Variants in ZNF101 observed in about 807,000 individuals in gnomAD.
The protein encoded by ZNF101 is zinc finger protein 101.
In ZNF101, 34 loss-of-function variants were observed where a neutral mutation model predicts 42.6. The observed-to-expected ratio is 0.80, with a 90% confidence interval of 0.61 to 1.06. The LOEUF (loss-of-function observed/expected upper bound fraction) is 1.06. Ranked by LOEUF, ZNF101 falls within the 50% of genes least tolerant of loss-of-function variation. ZNF101 has a pLI of 0.00. For missense variants in ZNF101, 466 were observed against 530.9 expected, an observed-to-expected ratio of 0.88 and a Z score of 1.20; for synonymous variants, 158 against 183.9, an observed-to-expected ratio of 0.86 and a Z score of 1.14.
At chr19:19,672,691 A>T (rs746083707) in intron 1 of ZNF101, among the ~76,000 whole-genome samples, 3 of 151,790 alleles carry the variant, frequency 2.0e-5, no homozygotes, top group Non-Finnish European at 2.9e-5. Context: ...ACGCCCAGCC[A>T]ATTTTTTGTA....
Position 19,677,941 on chromosome 19 carries a change from T to A in ZNF101, c.81T>A (p.Asn27Lys). The A allele has an allele frequency of 7.4e-6, 12 of 1,612,502 alleles. No individual in the cohort carries two copies. The highest frequency in any genetic ancestry group is 1.0e-5 in the Non-Finnish European group (12 of 1,179,086). Residue 27 changes from asparagine to lysine, a missense_variant, in exon 2 of 4, where the codon AAT (asparagine) becomes AAA (lysine). By Grantham distance (94) the Asn-to-Lys change is moderately conservative. Coordinates refer to ENST00000592502, the MANE Select transcript of ZNF101 (RefSeq NM_033204.4). ...CTTTGCTGAGTCCTTCCCAGAAGAA[T>A]CTCTACAGAGATGTGACGCTGGAAA... ...EWALLSPSQK[N>K]LYRDVTLETF...
In ZNF101 at chr19:19,680,437, T is replaced by G; in HGVS notation, c.*137T>G. Reference sequence around the variant, plus strand: ...TTCAAGACTAGCCTGGCCAACATGGTGAAACCCCGTCTCTACTAAAAATAC... The same window carrying G: ...TTCAAGACTAGCCTGGCCAACATGGGGAAACCCCGTCTCTACTAAAAATAC... On this transcript the variant is annotated 3_prime_UTR_variant, in exon 4 of 4. Transcript: ENST00000592502. 1 of 448,522 alleles carries G rather than the reference T, an allele frequency of 2.2e-6. No homozygotes were observed. The highest frequency in any genetic ancestry group is 3.9e-6 in the Non-Finnish European group (1 of 258,432). The allele number at this position is 448,522 out of a possible 1,614,324, so 27.8% of individuals were successfully genotyped here.
Position 19,680,373 on chromosome 19 carries a change from T to G in ZNF101, c.*73T>G. On this transcript the variant is annotated 3_prime_UTR_variant, in exon 4 of 4. Transcript: ENST00000592502. The stretch of plus-strand genomic sequence containing the variant: ...GGCTCACGCTTGTAATCCCAGCACT[T>G]TGGGAGGCTGAGGCGGGTGGATCAC... The G allele has an allele frequency of 1.2e-5, 10 of 838,924 alleles. No individual in the cohort carries two copies. Among genetic ancestry groups the G allele is most frequent in the Non-Finnish European group, 1.7e-5 (10 of 582,302 alleles). The allele number at this position is 838,924 out of a possible 1,614,324, so 52.0% of individuals were successfully genotyped here.
intron 1 of ZNF101, among the ~76,000 whole-genome samples, chr19:19,670,885 C>A (rs1221660252): frequency 1.3e-5 from 2 of 152,142 alleles, no homozygotes; most frequent in African/African-American, 4.8e-5. Flanking sequence ...GCAGGCAGAT[C>A]ACGAGGTCAG....
At chr19:19,671,741 C>T (rs1345026674) in intron 1 of ZNF101, among the ~76,000 whole-genome samples, 4 of 152,014 alleles carry the variant, frequency 2.6e-5, no homozygotes, top group African/African-American at 9.7e-5. Flanking sequence ...CCTCGTGATC[C>T]GCCCGCCTCG....
At chr19:19,672,512 G>C (rs2062176891) in intron 1 of ZNF101, among the ~76,000 whole-genome samples, 1 of 150,774 alleles carries the variant, frequency 6.6e-6, no homozygotes, top group Non-Finnish European at 1.5e-5. Flanking sequence ...ATCACATTCA[G>C]CCCTATATGC....
upstream of ZNF101, among the ~76,000 whole-genome samples, chr19:19,668,455 C>G (rs1277243831): frequency 6.6e-6 from 1 of 152,036 alleles, no homozygotes; most frequent in Non-Finnish European, 1.5e-5. Flanking sequence ...CAAACAGTTA[C>G]TGGAAGGGTC....
intron 2 of ZNF101, among the ~76,000 whole-genome samples, 177 bp downstream of exon 2, chr19:19,678,167 A>G (rs970472109): frequency 3.3e-5 from 5 of 151,422 alleles, no homozygotes; most frequent in African/African-American, 7.3e-5. Flanking sequence ...CACGGTGGGA[A>G]GATTGCTTGC....
chr19:19,670,536 C>A (rs2062161985), intron 1 of ZNF101, among the ~76,000 whole-genome samples: 1 of 152,136 alleles, frequency 6.6e-6, no homozygotes, highest in Non-Finnish European at 1.5e-5. Flanking sequence ...GCGGGAAGAT[C>A]TCTTGAGCCC....
rs943662518 is a variant in ZNF101 at position 19,679,940 on chromosome 19, A to C, written c.951A>C (p.Lys317Asn). Reference sequence around the variant, plus strand: ...TCTACGAATGTCAAAAATGTGCCAAAGTCTTTAGATGTCCCACGTCCCTTC... The same window carrying C: ...TCTACGAATGTCAAAAATGTGCCAACGTCTTTAGATGTCCCACGTCCCTTC... ...GKLYECQKCA[K>N]VFRCPTSLQA... Residue 317 changes from lysine to asparagine, a missense_variant, in exon 4 of 4, where the codon AAA (lysine) becomes AAC (asparagine). Coordinates refer to ENST00000592502, the MANE Select transcript of ZNF101 (RefSeq NM_033204.4). The C allele has an allele frequency of 1.9e-6, 3 of 1,614,062 alleles. No individual in the cohort carries two copies. The African/African-American group carries it at 4.0e-5, about 22-fold the overall frequency.
intron 3 of ZNF101, 26 bp from the exon 4 acceptor site, chr19:19,679,155 G>T (rs1243771318): frequency 1.2e-6 from 2 of 1,602,820 alleles, no homozygotes; most frequent in Non-Finnish European, 1.7e-6. Flanking sequence ...ACCAAGCATT[G>T]ATAATGCGTT....
chr19:19,670,149 A>G (rs1416455146), intron 1 of ZNF101, among the ~76,000 whole-genome samples: 5 of 152,080 alleles, frequency 3.3e-5, no homozygotes, highest in African/African-American at 1.2e-4. Flanking sequence ...TGGTTGTTTG[A>G]TGAGCCTCCT....
chr19:19,671,238 G>T (rs899188380), intron 1 of ZNF101, among the ~76,000 whole-genome samples: 1 of 152,214 alleles, frequency 6.6e-6, no homozygotes, highest in Non-Finnish European at 1.5e-5. Context: ...GTTCTGTTTT[G>T]TGTTATCTGG....
At chr19:19,668,430 C>T (rs1368397632), upstream of ZNF101, among the ~76,000 whole-genome samples, 10 of 151,988 alleles carry the variant, frequency 6.6e-5, no homozygotes, top group African/African-American at 2.4e-4. Context: ...GCCGGTTCAG[C>T]TGAAGTCTTT....
Position 19,673,089 on chromosome 19 carries a change from C to T in ZNF101, c.3+4123C>T, listed in dbSNP as rs547646705. Among the ~76,000 whole-genome samples the T allele has an allele frequency of 2.9e-4, 44 of 151,802 alleles. No individual in the cohort carries two copies. In the South Asian group the frequency reaches 8.1e-3, roughly 28 times the overall value. The stretch of plus-strand genomic sequence containing the variant: ...CCTTCTGAGTAGCTGGGACTACAAG[C>T]GCATGCCACCACGCCTGGCTAATTT... On this transcript the variant is annotated intron_variant, in intron 1 of 3. Transcript: ENST00000592502.
rs2062246736 is a variant in ZNF101, at chr19:19,682,866, CTGAAG to C, written c.*2569_*2573del. ...GACTGAGTCTTGCTCTGTCGCCAGG[CTGAAG>C]TGTAGTGGCGCGATCTTGGCTCACT... On this transcript the variant is annotated 3_prime_UTR_variant, in exon 4 of 4. Transcript: ENST00000592502. 1 of 152,184 alleles carries C rather than the reference CTGAAG, an allele frequency of 6.6e-6. No individual in the cohort carries two copies. The highest frequency in any genetic ancestry group is 2.4e-5 in the African/African-American group (1 of 41,450). 9.4% of individuals were successfully genotyped at this position (152,184 alleles called of 1,614,324 possible). A position where few individuals can be genotyped will look rare whatever the true frequency, so the allele number is the denominator to read the frequency against.
intron 2 of ZNF101, among the ~76,000 whole-genome samples, chr19:19,678,513 G>A (rs2062216761): frequency 6.6e-6 from 1 of 151,900 alleles, no homozygotes; most frequent in Non-Finnish European, 1.5e-5. Context: ...TACTCGGGAG[G>A]CTGAGGCAGG....
At chr19:19,673,047 C>T (rs2062180533) in intron 1 of ZNF101, among the ~76,000 whole-genome samples, 1 of 151,864 alleles carries the variant, frequency 6.6e-6, no homozygotes, top group African/African-American at 2.4e-5. Flanking sequence ...TGGTTTCAAG[C>T]CATTCTCCTG....
intron 1 of ZNF101, chr19:19,672,063 A>ATGTG (rs36058906): frequency 3.0e-4 from 43 of 141,658 alleles, no homozygotes; most frequent in African/African-American, 8.9e-4. Context: ...ATCTTAAAAA[A>ATGTG]TGTGTGTGTG....
Sources: allele counts gnomAD v4.1 joint callset (sites outside exome capture counted in the v4.1 genomes callset), GRCh38; gene constraint gnomAD v4.1.1; transcripts MANE v1.5; gene names NCBI Gene and HGNC (gene_info 2026-07-23, HGNC 2026-07-21).